The following HPSE2 variants were observed in gnomAD, a reference collection of about 807,000 sequenced individuals.
The protein encoded by HPSE2 is heparanase 2 (inactive).
A neutral mutation model predicts 60.5 loss-of-function variants in HPSE2; 38 were observed. The ratio of observed to expected loss-of-function variants is 0.63; its 90% CI spans 0.48 to 0.82. HPSE2 has a LOEUF of 0.82. HPSE2 is among the 40% of genes least tolerant of loss of function. The pLI is 0.00. For synonymous variants in HPSE2, 295 were observed against 293.2 expected (o/e 1.01, Z -0.06); for missense variants, 713 against 740.4 (o/e 0.96, Z 0.43).
chr10:99,232,371 T>A lies in HPSE2; in HGVS notation c.425A>T (p.Tyr142Phe). The A allele has an allele frequency of 6.4e-7, 1 of 1,551,504 alleles. No homozygotes were observed. The highest frequency in any genetic ancestry group is 1.2e-5 in the South Asian group (1 of 84,056). ...ACCATCCTCATAGTTTTTGAGATAG[T>A]AATCCGGGCCCGGGCCCCCGCGGCT... ...AKSRGGPGPD[Y>F]YLKNYEDDIV... Residue 142 changes from tyrosine (Y) to phenylalanine (F), a missense_variant, in exon 2 of 12, where the codon TAC becomes TTC. By Grantham distance (22) the Tyr-to-Phe change is conservative. Transcript: ENST00000370552.
At chr10:99,163,658 T>C (rs1357626188) in intron 2 of HPSE2, among the ~76,000 whole-genome samples, 5 of 152,200 alleles carry the variant, frequency 3.3e-5, no homozygotes, top group Non-Finnish European at 5.9e-5. Flanking sequence ...GTTTTTCTAC[T>C]AGAACTATTT....
At chr10:98,587,240 T>C (rs1313282089) in intron 9 of HPSE2, among the ~76,000 whole-genome samples, 1 of 152,184 alleles carries the variant, frequency 6.6e-6, no homozygotes, top group Non-Finnish European at 1.5e-5. Context: ...CACTCATTGT[T>C]TAGTGAGTTT....
intron 9 of HPSE2, among the ~76,000 whole-genome samples, chr10:98,580,017 C>G (rs1944749184): frequency 6.6e-6 from 1 of 152,230 alleles, no homozygotes; most frequent in Non-Finnish European, 1.5e-5. Context: ...TCACTGCCCT[C>G]ACACTTGATT....
chr10:98,767,571 G>T (rs1336503139), intron 3 of HPSE2, among the ~76,000 whole-genome samples: 1 of 145,186 alleles, frequency 6.9e-6, no homozygotes, highest in East Asian at 2.0e-4. Flanking sequence ...ATTATGTAAT[G>T]CTATATATAA....
chr10:99,111,306 C>G (rs2135679138), intron 3 of HPSE2, among the ~76,000 whole-genome samples: 1 of 152,206 alleles, frequency 6.6e-6, no homozygotes, highest in East Asian at 1.9e-4. Flanking sequence ...GTTCTTTTGT[C>G]TTTCCATATA....
intron 3 of HPSE2, among the ~76,000 whole-genome samples, chr10:99,074,342 T>C (rs1168132172): frequency 6.6e-6 from 1 of 152,194 alleles, no homozygotes; most frequent in Non-Finnish European, 1.5e-5. Context: ...ATTCTGTTTA[T>C]GGGGTATATT....
chr10:99,242,418 T>C, the HPSE2 span, among the ~76,000 whole-genome samples: 1 of 152,234 alleles, frequency 6.6e-6, no homozygotes. Flanking sequence ...AAGCAGTACA[T>C]TTATTTGGGG....
chr10:98,545,923 T>C lies in HPSE2; in HGVS notation c.1321-55727A>G, dbSNP rs1943657249. Among the ~76,000 whole-genome samples, 3 of 150,240 alleles carry C rather than the reference T, an allele frequency of 2.0e-5. No individual in the cohort carries two copies. In the South Asian group the frequency reaches 6.4e-4, roughly 32 times the overall value. ...AAAACCCCATTGTCTCAGCCCAAAG[T>C]CTCCTTAAGCTGATAAGCAACTTCA... is the stretch of plus-strand genomic sequence containing the variant. On this transcript the variant is annotated intron_variant, in intron 9 of 11. Transcript: ENST00000370552.
chr10:98,992,317 A>C (rs1363135876), intron 3 of HPSE2, among the ~76,000 whole-genome samples: 1 of 152,060 alleles, frequency 6.6e-6, no homozygotes, highest in Non-Finnish European at 1.5e-5. Context: ...ATAGTAACTG[A>C]TTTGGGTTTT....
intron 9 of HPSE2, among the ~76,000 whole-genome samples, chr10:98,513,843 G>T (rs745367501): frequency 2.0e-5 from 3 of 152,100 alleles, no homozygotes; most frequent in Non-Finnish European, 4.4e-5. Context: ...GTAAAAGTTT[G>T]GTGGTTCCTC....
chr10:98,691,730 A>C (rs1393567221), intron 6 of HPSE2, among the ~76,000 whole-genome samples: 6 of 152,226 alleles, frequency 3.9e-5, no homozygotes, highest in African/African-American at 1.2e-4. Flanking sequence ...TGAGACAGAC[A>C]CAACTTTAAG....
At chr10:99,298,611 C>A in the HPSE2 span, among the ~76,000 whole-genome samples, 1 of 151,576 alleles carries the variant, frequency 6.6e-6, no homozygotes, top group African/African-American at 2.4e-5. Context: ...TGATACTGTA[C>A]AATTAGACTT....
In HPSE2 at chr10:98,721,686, C is replaced by A. The variant is rs200916817; in HGVS notation, c.927G>T (p.Pro309=). 8 of 1,613,650 alleles carry A rather than the reference C, an allele frequency of 5.0e-6. No individual in the cohort carries two copies. The East Asian group carries it at 1.8e-4, about 36-fold the overall frequency. Residue 309 remains proline (P), a synonymous_variant, in exon 5 of 12, where the codon CCG becomes CCT. Transcript: ENST00000370552. The part of the protein sequence containing the change: ...ASLYGPNIGR[P]RKNVIALLDG... ...CTAGGAGGGCGATGACATTCTTCCTCGGCCGCCCAATATTAGGGCCATATA... is the reference window on the plus strand; with the variant it reads ...CTAGGAGGGCGATGACATTCTTCCTAGGCCGCCCAATATTAGGGCCATATA...
chr10:98,642,442 C>A (rs1409186328), intron 6 of HPSE2, among the ~76,000 whole-genome samples: 1 of 152,150 alleles, frequency 6.6e-6, no homozygotes, highest in Admixed American at 6.5e-5. Context: ...CCAGCTCATT[C>A]CTGTGGGCGA....
intron 3 of HPSE2, among the ~76,000 whole-genome samples, chr10:98,799,509 C>A (rs554239109): frequency 6.6e-6 from 1 of 152,234 alleles, no homozygotes; most frequent in South Asian, 2.1e-4. Flanking sequence ...GCACATGGAT[C>A]ATTCTCAAGG....
the HPSE2 span, among the ~76,000 whole-genome samples, chr10:99,294,323 T>C: frequency 4.1e-4 from 61 of 147,872 alleles, 4 homozygotes; most frequent in East Asian, 2.5e-3. Context: ...GTGCTATATG[T>C]TTATGTATTT....
intron 3 of HPSE2, among the ~76,000 whole-genome samples, chr10:98,935,498 T>C (rs1954762555): frequency 6.9e-6 from 1 of 144,296 alleles, no homozygotes; most frequent in Non-Finnish European, 1.5e-5. Flanking sequence ...ATGTTGATTT[T>C]GTTTTTGCTT....
At position 98,822,234 on chromosome 10, in the gene HPSE2, C is replaced by T. The variant is rs1362104724; in HGVS notation, c.611-78178G>A. On this transcript the variant is annotated intron_variant, in intron 3 of 11. Coordinates refer to ENST00000370552, the MANE Select transcript of HPSE2 (RefSeq NM_021828.5). ...CCCAGGAAAGACAATTCAGATAGTT[C>T]CAGGTCATTTTAACCTACCTAATGG... Among the ~76,000 whole-genome samples the T allele has an allele frequency of 6.6e-5, 10 of 152,194 alleles. No homozygotes were observed. In the South Asian group the frequency reaches 2.1e-3, roughly 32 times the overall value.
intron 5 of HPSE2, among the ~76,000 whole-genome samples, chr10:98,719,758 T>C (rs1408621605): frequency 6.7e-6 from 1 of 149,538 alleles, no homozygotes; most frequent in South Asian, 2.1e-4. Flanking sequence ...CCTAGCACTT[T>C]GGGAGGCCGA....
Sources: gnomAD v4.1 joint callset for allele counts (sites outside exome capture counted in the v4.1 genomes callset) on GRCh38, gnomAD v4.1.1 for gene constraint, MANE v1.5 for transcripts, NCBI Gene and HGNC (gene_info 2026-07-23, HGNC 2026-07-21) for gene names.